The following EYA1 variants were observed in gnomAD, a reference collection of about 807,000 sequenced individuals.
EYA1 encodes EYA transcriptional coactivator and phosphatase 1, also known as protein phosphatase EYA1.
In EYA1, 16 loss-of-function variants were observed where a neutral mutation model predicts 82.0. The observed-to-expected ratio is 0.20, with a 90% CI of 0.13 to 0.30. The LOEUF (loss-of-function observed/expected upper bound fraction) is 0.30, where lower values mean the gene tolerates loss of function less well. Ranked by LOEUF, EYA1 falls within the 10% of genes least tolerant of loss-of-function variation. EYA1 has a pLI of 1.00. For synonymous variants in EYA1, 261 were observed against 264.4 expected (o/e 0.99, Z 0.12); for missense variants, 633 against 730.7 (o/e 0.87, Z 1.54).
At chr8:71,274,427 A>G (rs905137543) in intron 9 of EYA1, among the ~76,000 whole-genome samples, 1 of 152,142 alleles carries the variant, frequency 6.6e-6, no homozygotes, top group African/African-American at 2.4e-5. Flanking sequence ...CTTCTAATCC[A>G]CTGACAGCTC....
intron 4 of EYA1, among the ~76,000 whole-genome samples, chr8:71,327,853 CTTTTTTTTTTT>C (rs71555578): frequency 9.1e-6 from 1 of 110,204 alleles, no homozygotes; most frequent in Admixed American, 1.0e-4. Context: ...TCTTTAAGTT[CTTTTTTTTTTT>C]TTTTTTTTTT....
intron 1 of EYA1, among the ~76,000 whole-genome samples, chr8:71,541,336 A>G (rs1815121465): frequency 6.6e-6 from 1 of 152,238 alleles, no homozygotes; most frequent in Non-Finnish European, 1.5e-5. Flanking sequence ...ATTTACTGGT[A>G]CTGCTGATTT....
intron 7 of EYA1, among the ~76,000 whole-genome samples, chr8:71,316,630 A>G (rs1821959797): frequency 6.6e-6 from 1 of 152,176 alleles, no homozygotes; most frequent in African/African-American, 2.4e-5. Flanking sequence ...TGTCTGTGAT[A>G]AACAAATATT....
chr8:71,515,790 C>A (rs903369621), intron 2 of EYA1, among the ~76,000 whole-genome samples: 2 of 152,090 alleles, frequency 1.3e-5, no homozygotes, highest in African/African-American at 4.8e-5. Context: ...ACTGTATATT[C>A]TAAATAATCC....
chr8:71,312,140 G>A lies in EYA1; in HGVS notation c.556+5412C>T, dbSNP rs1324883181. ...TGAGTTTTCTAAGAAGTTTTTTTTA[G>A]AGCTTCATGAATTGGTGTTTGACTA... is the stretch of plus-strand genomic sequence containing the variant. On this transcript the variant is annotated intron_variant, in intron 7 of 17. Coordinates refer to ENST00000340726, the MANE Select transcript of EYA1 (RefSeq NM_000503.6). Among the ~76,000 whole-genome samples, 3 of 152,172 alleles carry A rather than the reference G, an allele frequency of 2.0e-5. No individual in the cohort carries two copies. In the East Asian group the frequency reaches 5.8e-4, roughly 29 times the overall value.
At chr8:71,268,158 T>C (rs113074996) in intron 11 of EYA1, among the ~76,000 whole-genome samples, 2 of 151,860 alleles carry the variant, frequency 1.3e-5, no homozygotes, top group African/African-American at 4.8e-5. Context: ...CATTGGCTAA[T>C]AGAATACTCT....
chr8:71,254,836 C>A (rs531801612), intron 11 of EYA1, among the ~76,000 whole-genome samples: 2 of 151,312 alleles, frequency 1.3e-5, no homozygotes, highest in Non-Finnish European at 2.9e-5. Context: ...AAGACCTCCC[C>A]CCACCCCGCC....
chr8:71,427,978 CAAA>C (rs66707741), intron 2 of EYA1, among the ~76,000 whole-genome samples: 10 of 140,322 alleles, frequency 7.1e-5, no homozygotes, highest in Admixed American at 7.2e-5. Flanking sequence ...GACCTTGTCT[CAAA>C]AAAAAAAAAA....
chr8:71,361,365 A>G (rs1340435662), intron 1 of EYA1, among the ~76,000 whole-genome samples: 4 of 152,252 alleles, frequency 2.6e-5, no homozygotes, highest in African/African-American at 2.4e-5. Flanking sequence ...CATTACATTT[A>G]TCTAGAGCAT....
intron 11 of EYA1, among the ~76,000 whole-genome samples, chr8:71,264,583 T>C (rs997792564): frequency 1.3e-5 from 2 of 151,790 alleles, no homozygotes; most frequent in Non-Finnish European, 2.9e-5. Context: ...AATTCAATTT[T>C]TTTTTTTTTT....
rs200213721 is a variant in EYA1, at chr8:71,425,411, A to AT, written c.34-68901dup. The stretch of plus-strand genomic sequence containing the variant: ...TTTTTAAAGATAATGTATGCTAATG[A>AT]TTTTTACAGATCCAAAAATGATGTT... On this transcript the variant is annotated intron_variant, in intron 2 of 18. Transcript: ENST00000643681. Among the ~76,000 whole-genome samples the AT allele has an allele frequency of 5.8e-3, 876 of 152,328 alleles. 6 individuals carry two copies. Among genetic ancestry groups the AT allele is most frequent in the Middle Eastern group, 0.017 (5 of 294 alleles).
rs573991250 is a variant in EYA1, at chr8:71,221,340, A to G, written c.1141-4317T>C. 2.5e-4 allele frequency among the ~76,000 whole-genome samples: 38 copies of G among 152,224 alleles called. 2 individuals carry two copies. Among genetic ancestry groups the G allele is most frequent in the African/African-American group, 8.9e-4 (37 of 41,536 alleles). On this transcript the variant is annotated intron_variant, in intron 12 of 17. Coordinates refer to ENST00000340726, the MANE Select transcript of EYA1 (RefSeq NM_000503.6). ...GTGGGATGGGGCGGGGAAGGTACAA[A>G]GGAACCCCGGGGGCTTAGTGACCAG...
intron 2 of EYA1, among the ~76,000 whole-genome samples, chr8:71,534,904 T>A (rs998459737): frequency 4.2e-4 from 53 of 126,024 alleles, no homozygotes; most frequent in African/African-American, 5.4e-4. Flanking sequence ...AAATGAAAGC[T>A]AAAAAAAAAA....
chr8:71,313,698 A>C (rs1821602232), intron 7 of EYA1, among the ~76,000 whole-genome samples: 3 of 152,188 alleles, frequency 2.0e-5, no homozygotes, highest in Non-Finnish European at 4.4e-5. Flanking sequence ...ACAGAAAGCA[A>C]AGGTAGAACT....
At chr8:71,316,941 A>G (rs1821992541) in intron 7 of EYA1, among the ~76,000 whole-genome samples, 1 of 152,214 alleles carries the variant, frequency 6.6e-6, no homozygotes. Flanking sequence ...CTGTCATTCC[A>G]TTTGACTTGT....
intron 2 of EYA1, among the ~76,000 whole-genome samples, chr8:71,432,624 T>A (rs1805707884): frequency 6.6e-6 from 1 of 152,232 alleles, no homozygotes; most frequent in South Asian, 2.1e-4. Flanking sequence ...TCTCTTTTTA[T>A]GAGAACACAG....
chr8:71,210,970 G>T (rs1212917736), intron 17 of EYA1, among the ~76,000 whole-genome samples, 186 bp downstream of exon 17: 1 of 152,204 alleles, frequency 6.6e-6, no homozygotes, highest in African/African-American at 2.4e-5. Flanking sequence ...TTGAGTTTGT[G>T]CACACTACTA....
intron 2 of EYA1, among the ~76,000 whole-genome samples, chr8:71,471,273 T>C (rs905704511): frequency 1.7e-4 from 26 of 152,016 alleles, no homozygotes; most frequent in Admixed American, 1.3e-3. Context: ...GGTTACAAAA[T>C]TAATGCAGGA....
At chr8:71,334,533 T>C (rs1445400) in intron 3 of EYA1, among the ~76,000 whole-genome samples, 35,326 of 152,110 alleles carry the variant, frequency 0.23, 5,392 homozygotes, top group East Asian at 0.71. Flanking sequence ...ATCTGTTATT[T>C]GGTCAGAGTC....
Sources: allele counts gnomAD v4.1 joint callset (sites outside exome capture counted in the v4.1 genomes callset), GRCh38; gene constraint gnomAD v4.1.1; transcripts MANE v1.5; gene names NCBI Gene and HGNC (gene_info 2026-07-23, HGNC 2026-07-21).